The following CYP4Z1 variants were observed in gnomAD, a reference collection of about 807,000 sequenced individuals.
CYP4Z1 encodes the protein cytochrome P450 4Z1.
CYP4Z1 carries 41 observed loss-of-function variants against 54.2 expected under a neutral mutation model. That is an observed-to-expected ratio of 0.76 (90% confidence interval 0.59 to 0.98). The LOEUF is 0.98. CYP4Z1 is among the 50% of genes least tolerant of loss of function. The probability of loss-of-function intolerance (pLI) is 0.00; values close to 1 mark genes in which losing one functional copy is unlikely to be tolerated. For missense variants in CYP4Z1, 513 were observed against 599.0 expected (o/e 0.86, Z 1.50); for synonymous variants, 163 against 206.2 (o/e 0.79, Z 1.79).
At chr1:47,111,761 G>A (rs1644793407) in intron 9 of CYP4Z1, among the ~76,000 whole-genome samples, 1 of 152,026 alleles carries the variant, frequency 6.6e-6, no homozygotes, top group Non-Finnish European at 1.5e-5. Context: ...TACTAAAAGA[G>A]AAACATTACA....
chr1:47,062,988 C>A (rs1422535127), upstream of CYP4Z1, among the ~76,000 whole-genome samples: 1 of 152,230 alleles, frequency 6.6e-6, no homozygotes, highest in Non-Finnish European at 1.5e-5. Context: ...GTCCACCTCA[C>A]CCCTCTGCTA....
chr1:47,057,311 C>G, the CYP4Z1 span, among the ~76,000 whole-genome samples: 2 of 74,654 alleles, frequency 2.7e-5, no homozygotes, highest in Non-Finnish European at 5.4e-5. Flanking sequence ...ATGGGCTTCC[C>G]TTTGTTACTT....
intron 2 of CYP4Z1, among the ~76,000 whole-genome samples, chr1:47,079,258 T>C (rs1243220256): frequency 6.6e-6 from 1 of 152,204 alleles, no homozygotes; most frequent in African/African-American, 2.4e-5. Flanking sequence ...GGGGCAAGGC[T>C]AAATTGCAAT....
rs1644843711 is a variant in CYP4Z1 at position 47,118,014 on chromosome 1, T to C, written c.*80T>C. Reference sequence around the variant, plus strand: ...ACAAAAGGATAAATATAATACAAAATATATGTATATGGTTGTTTGACAAAT... The same window carrying C: ...ACAAAAGGATAAATATAATACAAAACATATGTATATGGTTGTTTGACAAAT... On this transcript the variant is annotated 3_prime_UTR_variant, in exon 12 of 12. Transcript: ENST00000334194. The C allele has an allele frequency of 7.3e-7, 1 of 1,368,834 alleles. No homozygotes were observed. The highest frequency in any genetic ancestry group is 1.5e-5 in the African/African-American group (1 of 68,514). 84.8% of individuals were successfully genotyped at this position (1,368,834 alleles called of 1,614,324 possible).
rs1644467877 is a variant in CYP4Z1 at position 47,068,594 on chromosome 1, T to A, written c.178-28T>A. 3 of 1,611,852 alleles carry A rather than the reference T, an allele frequency of 1.9e-6. No homozygotes were observed. The South Asian group carries it at 3.3e-5, about 18-fold the overall frequency. ...GTCCTCCTGGGGTGACAACCTTTAC[T>A]AACCAGTCATGACTTATCTTATGAC... On this transcript the variant is annotated intron_variant, in intron 1 of 11. Transcript: ENST00000334194.
chr1:47,084,774 C>T (rs1479662720), intron 5 of CYP4Z1, 30 bp downstream of exon 5: 2 of 1,612,828 alleles, frequency 1.2e-6, no homozygotes, highest in African/African-American at 2.7e-5. Context: ...TAATTGTTTG[C>T]CAATAACTGT....
chr1:47,079,154 G>C (rs1644545822), intron 2 of CYP4Z1, among the ~76,000 whole-genome samples: 2 of 152,156 alleles, frequency 1.3e-5, no homozygotes. Flanking sequence ...TTGAGAACAA[G>C]GACCATTCTG....
At chr1:47,093,813 C>A (rs555292205) in intron 6 of CYP4Z1, among the ~76,000 whole-genome samples, 2 of 152,038 alleles carry the variant, frequency 1.3e-5, no homozygotes, top group Non-Finnish European at 2.9e-5. Context: ...AAAAAGGAAA[C>A]GTTGGAAAGC....
intron 9 of CYP4Z1, among the ~76,000 whole-genome samples, chr1:47,113,369 T>A (rs1265050198): frequency 6.6e-6 from 1 of 152,180 alleles, no homozygotes; most frequent in Non-Finnish European, 1.5e-5. Context: ...TACATGAGGT[T>A]CCCCTCTCAA....
chr1:47,101,036 G>C (rs1279856632), intron 8 of CYP4Z1, among the ~76,000 whole-genome samples: 1 of 152,114 alleles, frequency 6.6e-6, no homozygotes, highest in Non-Finnish European at 1.5e-5. Context: ...TTTCTAGTTT[G>C]TTAGTGTGCA....
chr1:47,063,121 G>C (rs373208943), upstream of CYP4Z1, among the ~76,000 whole-genome samples: 17 of 152,252 alleles, frequency 1.1e-4, 1 homozygote, highest in South Asian at 3.1e-3. Flanking sequence ...TGGGTGGCTA[G>C]ACCCAGAAGA....
upstream of CYP4Z1, among the ~76,000 whole-genome samples, chr1:47,064,080 C>CTTT (rs34267768): frequency 0.02 from 2,355 of 119,484 alleles, 78 homozygotes; most frequent in African/African-American, 0.067. Flanking sequence ...GATTTGGGTC[C>CTTT]TTTTTTTTTT....
chr1:47,109,333 A>G (rs1442343351), intron 9 of CYP4Z1, among the ~76,000 whole-genome samples: 1 of 152,172 alleles, frequency 6.6e-6, no homozygotes, highest in Non-Finnish European at 1.5e-5. Flanking sequence ...GTGGCTGCAG[A>G]AAGACTTGCA....
chr1:47,077,244 AT>A (rs1188310526), intron 2 of CYP4Z1, among the ~76,000 whole-genome samples: 1 of 152,100 alleles, frequency 6.6e-6, no homozygotes, highest in Non-Finnish European at 1.5e-5. Flanking sequence ...CTTTTGCCTC[AT>A]ATACTGTGGG....
At chr1:47,098,038 A>T (rs1644691137) in intron 7 of CYP4Z1, among the ~76,000 whole-genome samples, 1 of 151,886 alleles carries the variant, frequency 6.6e-6, no homozygotes, top group East Asian at 1.9e-4. Context: ...GCTGGTCTTG[A>T]ACCCCTGAAC....
In CYP4Z1 at chr1:47,117,855, C is replaced by T. The variant is rs1205667257; in HGVS notation, c.1439C>T (p.Ser480Leu). The part of the protein sequence containing the change: ...LLRFKLAPDH[S>L]RPPQPVRQVV... ...CGCTTCAAGCTGGCTCCAGACCACTCAAGGCCTCCCCAGCCTGTTCGTCAA... is the reference window on the plus strand; with the variant it reads ...CGCTTCAAGCTGGCTCCAGACCACTTAAGGCCTCCCCAGCCTGTTCGTCAA... The change falls in exon 12 of 12, where the codon TCA (serine) becomes TTA (leucine). Residue 480 changes from serine to leucine, a missense_variant. By Grantham distance (145) the Ser-to-Leu change is moderately radical. Coordinates refer to ENST00000334194, the MANE Select transcript of CYP4Z1 (RefSeq NM_178134.3). The T allele has an allele frequency of 1.2e-6, 2 of 1,613,728 alleles. No homozygotes were observed. Among genetic ancestry groups the T allele is most frequent in the Admixed American group, 3.3e-5 (2 of 59,932 alleles).
chr1:47,118,045 A>T lies in CYP4Z1; in HGVS notation c.*111A>T. On this transcript the variant is annotated 3_prime_UTR_variant, in exon 12 of 12. Coordinates refer to ENST00000334194, the MANE Select transcript of CYP4Z1 (RefSeq NM_178134.3). ...TATATGGTTGTTTGACAAATTATAT[A>T]ACTTAGGATACTTCTGACTGGTTTT... The T allele has an allele frequency of 9.0e-7, 1 of 1,106,670 alleles. No homozygotes were observed. The highest frequency in any genetic ancestry group is 1.2e-6 in the Non-Finnish European group (1 of 805,432). The allele number at this position is 1,106,670 out of a possible 1,614,324, so 68.6% of individuals were successfully genotyped here. A position where few individuals can be genotyped will look rare whatever the true frequency, so the allele number is the denominator to read the frequency against.
chr1:47,097,742 TTTGG>T (rs1468850940), intron 7 of CYP4Z1, among the ~76,000 whole-genome samples: 7 of 151,770 alleles, frequency 4.6e-5, no homozygotes, highest in Admixed American at 6.6e-5. Context: ...GGCCTCCAGC[TTTGG>T]TTTGTTTGTT....
chr1:47,056,199 GA>G, the CYP4Z1 span, among the ~76,000 whole-genome samples: 1 of 152,150 alleles, frequency 6.6e-6, no homozygotes, highest in Non-Finnish European at 1.5e-5. Context: ...TTCAGGAGCA[GA>G]TTGTTCAGTT....
Sources: allele counts gnomAD v4.1 joint callset (sites outside exome capture counted in the v4.1 genomes callset), GRCh38; gene constraint gnomAD v4.1.1; transcripts MANE v1.5; gene names NCBI Gene and HGNC (gene_info 2026-07-23, HGNC 2026-07-21).